SPPL3: variants seen among roughly 807,000 people sequenced by gnomAD.
SPPL3 encodes signal peptide peptidase like 3.
A neutral mutation model predicts 42.4 loss-of-function variants in SPPL3; 5 were observed. The ratio of observed to expected loss-of-function variants is 0.12; its 90% CI spans 0.06 to 0.25. The LOEUF is 0.25. Ranked by LOEUF, SPPL3 falls within the 10% of genes least tolerant of loss-of-function variation. The pLI is 1.00. For missense variants in SPPL3, 235 were observed against 489.0 expected (o/e 0.48, Z 4.90); for synonymous variants, 195 against 181.8 (o/e 1.07, Z -0.58).
rs575838709 is a variant in SPPL3 at position 120,818,048 on chromosome 12, A to G, written c.24-7162T>C. Among the ~76,000 whole-genome samples, 47 of 152,304 alleles carry G rather than the reference A, an allele frequency of 3.1e-4. No individual in the cohort carries two copies. The South Asian group carries it at 8.3e-3, about 27-fold the overall frequency. ...TCAAAGCCCAGCAATCTTATTTCAC[A>G]GTCTCTCCCTATCCTACATTTCAGA... On this transcript the variant is annotated intron_variant, in intron 1 of 10. Transcript: ENST00000353487.
In SPPL3 at chr12:120,778,111, ATTT is replaced by A. The variant is rs57779322; in HGVS notation, c.502+4541_502+4543del. On this transcript the variant is annotated intron_variant, in intron 6 of 10. Coordinates refer to ENST00000353487, the MANE Select transcript of SPPL3 (RefSeq NM_139015.5). ...TTATTTCCAAAATGACTGAAAAGCA[ATTT>A]TTTTTTTTTTTTTTTTTTTTGAGAT... Among the ~76,000 whole-genome samples the A allele has an allele frequency of 4.2e-3, 384 of 90,932 alleles. 2 individuals are homozygous for A. The highest frequency in any genetic ancestry group is 0.015 in the African/African-American group (344 of 22,986). 59.7% of individuals were successfully genotyped at this position (90,932 alleles called of 152,430 possible).
intron 1 of SPPL3, among the ~76,000 whole-genome samples, chr12:120,836,416 G>C (rs1871622673): frequency 1.3e-5 from 2 of 152,096 alleles, no homozygotes; most frequent in Non-Finnish European, 2.9e-5. Context: ...CATGAGAAAG[G>C]TTGTGGGGAG....
At chr12:120,900,137 G>T (rs879338395) in intron 1 of SPPL3, among the ~76,000 whole-genome samples, 1 of 152,042 alleles carries the variant, frequency 6.6e-6, no homozygotes, top group Non-Finnish European at 1.5e-5. Flanking sequence ...CTCCAGTAAT[G>T]ATCAACTCAT....
At position 120,871,146 on chromosome 12, in the gene SPPL3, A is replaced by AAAAAAAAAAG. The variant is rs1242592629; in HGVS notation, c.23+32698_23+32699insCTTTTTTTTT. Among the ~76,000 whole-genome samples, 142 of 149,814 alleles carry AAAAAAAAAAG rather than the reference A, an allele frequency of 9.5e-4. 1 individual carries two copies. Among genetic ancestry groups the AAAAAAAAAAG allele is most frequent in the African/African-American group, 3.4e-3 (138 of 40,472 alleles). ...CTCCGTCTCCAAAAAAAAAAAAAAA[A>AAAAAAAAAAG]AAAGAAAAAGTTCTGGAGGTAAACA... On this transcript the variant is annotated intron_variant, in intron 1 of 10. Transcript: ENST00000353487.
intron 2 of SPPL3, among the ~76,000 whole-genome samples, chr12:120,802,967 A>G (rs1215104884): frequency 6.6e-6 from 1 of 152,236 alleles, no homozygotes; most frequent in Non-Finnish European, 1.5e-5. Flanking sequence ...AGGTACTACA[A>G]TTCATTCAAC....
At chr12:120,817,929 G>A (rs2137006525) in intron 1 of SPPL3, among the ~76,000 whole-genome samples, 1 of 152,238 alleles carries the variant, frequency 6.6e-6, no homozygotes, top group East Asian at 1.9e-4. Context: ...CTGGGGTTTG[G>A]GGATCTGGGG....
chr12:120,856,959 G>A (rs918262635), intron 1 of SPPL3, among the ~76,000 whole-genome samples: 3 of 152,190 alleles, frequency 2.0e-5, no homozygotes, highest in African/African-American at 7.2e-5. Flanking sequence ...ACAAGGGGAT[G>A]GAGTGATAGG....
At chr12:120,893,586 C>T (rs939121438) in intron 1 of SPPL3, among the ~76,000 whole-genome samples, 1 of 152,100 alleles carries the variant, frequency 6.6e-6, no homozygotes, top group Non-Finnish European at 1.5e-5. Flanking sequence ...TGGGCTTCCA[C>T]CCCCACTACT....
In SPPL3 at chr12:120,768,321, T is replaced by C. The variant is rs762155023; in HGVS notation, c.773+4A>G. 7 of 1,612,308 alleles carry C rather than the reference T, an allele frequency of 4.3e-6. No individual in the cohort carries two copies. The highest frequency in any genetic ancestry group is 5.9e-6 in the Non-Finnish European group (7 of 1,179,122). ...TGTGGTCCTGTCATAGCATGAGGTC[T>C]TACCTTGGGAAGACCAGTTTTCCAG... On this transcript the variant is annotated splice_donor_region_variant and intron_variant, in intron 8 of 10. Coordinates refer to ENST00000353487, the MANE Select transcript of SPPL3 (RefSeq NM_139015.5).
chr12:120,791,938 A>G, intron 2 of SPPL3: 1 of 212,104 alleles, frequency 4.7e-6, no homozygotes, highest in Non-Finnish European at 9.4e-6. Context: ...CTCTCTCAGC[A>G]GTGTATGAGA....
intron 1 of SPPL3, among the ~76,000 whole-genome samples, chr12:120,865,544 C>T (rs1037785348): frequency 1.3e-5 from 2 of 152,204 alleles, no homozygotes; most frequent in Non-Finnish European, 2.9e-5. Flanking sequence ...TCCTTACACA[C>T]AGTTAAGTGC....
At chr12:120,780,360 GT>G (rs1341693266) in intron 6 of SPPL3, among the ~76,000 whole-genome samples, 4 of 151,386 alleles carry the variant, frequency 2.6e-5, no homozygotes, top group Non-Finnish European at 4.4e-5. Flanking sequence ...AGAGGCAGAG[GT>G]GGGAGGACTG....
At chr12:120,846,698 T>C (rs1341587227) in intron 1 of SPPL3, among the ~76,000 whole-genome samples, 2 of 151,310 alleles carry the variant, frequency 1.3e-5, no homozygotes, top group Non-Finnish European at 2.9e-5. Flanking sequence ...GAAAAATCAC[T>C]TTTTTAAAAT....
At chr12:120,846,754 GT>G (rs1202393469) in intron 1 of SPPL3, among the ~76,000 whole-genome samples, 1 of 152,186 alleles carries the variant, frequency 6.6e-6, no homozygotes, top group East Asian at 1.9e-4. Flanking sequence ...AATAGAAGTA[GT>G]CATGTTTTGA....
At chr12:120,876,810 C>CAT (rs1173893434) in intron 1 of SPPL3, among the ~76,000 whole-genome samples, 1 of 8,794 alleles carries the variant, frequency 1.1e-4, no homozygotes, top group Non-Finnish European at 2.7e-4. Context: ...GAAACACATA[C>CAT]ACACACACAC....
intron 1 of SPPL3, among the ~76,000 whole-genome samples, chr12:120,847,684 G>T (rs1872088098): frequency 1.3e-5 from 2 of 151,974 alleles, no homozygotes; most frequent in Non-Finnish European, 2.9e-5. Context: ...TCCCACCTTG[G>T]CTTCCGAAAG....
chr12:120,871,778 C>T (rs1229144180), intron 1 of SPPL3, among the ~76,000 whole-genome samples: 2 of 152,028 alleles, frequency 1.3e-5, no homozygotes, highest in Non-Finnish European at 2.9e-5. Context: ...AAAAAGGGCA[C>T]AGTATTTGCA....
chr12:120,768,127 A>G (rs1849812377), intron 8 of SPPL3, among the ~76,000 whole-genome samples, 198 bp downstream of exon 8: 1 of 152,222 alleles, frequency 6.6e-6, no homozygotes, highest in African/African-American at 2.4e-5. Flanking sequence ...ACATTAATCA[A>G]TAATAAAAGG....
At chr12:120,849,804 C>T (rs1218288924) in intron 1 of SPPL3, among the ~76,000 whole-genome samples, 4 of 152,200 alleles carry the variant, frequency 2.6e-5, no homozygotes, top group African/African-American at 7.2e-5. Context: ...ATACCCTCCC[C>T]CTACAATTCT....
Sources: allele counts gnomAD v4.1 joint callset (sites outside exome capture counted in the v4.1 genomes callset), GRCh38; gene constraint gnomAD v4.1.1; transcripts MANE v1.5; gene names NCBI Gene and HGNC (gene_info 2026-07-23, HGNC 2026-07-21).